The following TJP1 variants were observed in gnomAD, a reference collection of about 807,000 sequenced individuals.
TJP1 encodes tight junction protein ZO-1.
In TJP1, 43 loss-of-function variants were observed where a neutral mutation model predicts 194.2. The ratio of observed to expected loss-of-function variants is 0.22; its 90% CI spans 0.17 to 0.29. The LOEUF is 0.29. Ranked by LOEUF, TJP1 falls within the 10% of genes least tolerant of loss-of-function variation. The pLI is 1.00. For synonymous variants in TJP1, 801 were observed against 779.0 expected (o/e 1.03, Z -0.47); for missense variants, 1,971 against 2,185.7 (o/e 0.90, Z 1.96).
chr15:29,956,250 C>G (rs2055936690), exon 2 of TJP1: 1 of 1,287,004 alleles, frequency 7.8e-7, no homozygotes, highest in African/African-American at 1.5e-5. Flanking sequence ...CACAGAAATC[C>G]ATGCTATCAA....
Position 29,761,118 on chromosome 15 carries a change from T to A in TJP1, c.1010+21A>T, listed in dbSNP as rs752554216. 1.7e-5 allele frequency: 26 copies of A among 1,560,902 alleles called. No homozygotes were observed. The South Asian group carries it at 1.9e-4, about 12-fold the overall frequency. On this transcript the variant is annotated intron_variant, in intron 8 of 27. Coordinates refer to ENST00000614355, the MANE Select transcript of TJP1 (RefSeq NM_001330239.4). ...AAGCAAACAAAACCCCTGTATTTTTTAAAAAAATAGGGTGTCTTACCTGCC... is the reference window on the plus strand; with the variant it reads ...AAGCAAACAAAACCCCTGTATTTTTAAAAAAAATAGGGTGTCTTACCTGCC...
intron 24 of TJP1, 102 bp from the exon 25 acceptor site, chr15:29,709,138 G>T: frequency 9.0e-7 from 1 of 1,109,176 alleles, no homozygotes; most frequent in Non-Finnish European, 1.3e-6. Context: ...GCCCAAATGT[G>T]GGTCGCACAG....
chr15:29,882,010 T>C (rs1260166997), intron 2 of TJP1, among the ~76,000 whole-genome samples: 1 of 152,062 alleles, frequency 6.6e-6, no homozygotes, highest in Admixed American at 6.5e-5. Context: ...TTTCAAAATT[T>C]GAAGTTTTTC....
chr15:29,913,472 C>A (rs1183092011), intron 2 of TJP1, among the ~76,000 whole-genome samples: 1 of 152,176 alleles, frequency 6.6e-6, no homozygotes, highest in Non-Finnish European at 1.5e-5. Flanking sequence ...TACATACACA[C>A]ATCTTTTTCT....
chr15:29,862,741 G>A (rs1334177293), intron 2 of TJP1, among the ~76,000 whole-genome samples: 10 of 150,214 alleles, frequency 6.7e-5, no homozygotes, highest in African/African-American at 2.2e-4. Context: ...TTTGCCTCCC[G>A]GGTTCACGCC....
At chr15:29,727,310 G>C (rs74662275) in intron 16 of TJP1, among the ~76,000 whole-genome samples, 3,129 of 152,096 alleles carry the variant, frequency 0.021, 110 homozygotes, top group African/African-American at 0.072. Context: ...CGCCACTGCA[G>C]TCCCACCTGG....
At chr15:29,761,535 C>A in intron 7 of TJP1, 66 bp downstream of exon 7, 3 of 1,510,630 alleles carry the variant, frequency 2.0e-6, no homozygotes, top group Non-Finnish European at 2.7e-6. Flanking sequence ...CAAAGATGTT[C>A]AATCTCCCTA....
chr15:29,858,412 T>C (rs1030238711), intron 2 of TJP1, among the ~76,000 whole-genome samples: 3 of 152,000 alleles, frequency 2.0e-5, no homozygotes, highest in Non-Finnish European at 4.4e-5. Context: ...AAAATAAAAT[T>C]AAAAAATATG....
intron 15 of TJP1, among the ~76,000 whole-genome samples, chr15:29,731,400 C>T (rs2043649832): frequency 6.6e-6 from 1 of 152,178 alleles, no homozygotes; most frequent in African/African-American, 2.4e-5. Flanking sequence ...GACCTGACCC[C>T]TAGTCATTGG....
intron 2 of TJP1, among the ~76,000 whole-genome samples, chr15:29,860,062 G>A (rs2052016303): frequency 6.6e-6 from 1 of 152,192 alleles, no homozygotes; most frequent in Non-Finnish European, 1.5e-5. Context: ...TTGACTGTCA[G>A]CCTCTCTGCA....
At chr15:29,870,488 C>T (rs986247218) in intron 2 of TJP1, among the ~76,000 whole-genome samples, 9 of 152,106 alleles carry the variant, frequency 5.9e-5, no homozygotes, top group Non-Finnish European at 7.4e-5. Context: ...TTGATGAAAC[C>T]GAAAACTCTT....
chr15:29,785,671 A>G (rs1157083676), intron 2 of TJP1, among the ~76,000 whole-genome samples: 2 of 152,118 alleles, frequency 1.3e-5, no homozygotes, highest in South Asian at 2.1e-4. Context: ...TCCGCTAATT[A>G]TAACTTTCCT....
chr15:29,793,144 G>A (rs1270385392), intron 2 of TJP1, among the ~76,000 whole-genome samples: 4 of 152,062 alleles, frequency 2.6e-5, no homozygotes, highest in African/African-American at 9.7e-5. Context: ...CCAGTACCAC[G>A]TTGAAGAAAG....
intron 2 of TJP1, among the ~76,000 whole-genome samples, chr15:29,868,823 A>G (rs920952030): frequency 1.4e-4 from 22 of 152,206 alleles, no homozygotes; most frequent in Admixed American, 1.4e-3. Context: ...GGCACAGGCA[A>G]AATCTGAAAA....
rs1596040238 is a variant in TJP1, at chr15:29,822,280, A to G, written c.-252T>C. ...CACCTCCCTCCGAGCGCGGCCACCC[A>G]CTCGGCCTCCCGCAGCTTTCGCAGC... On this transcript the variant is annotated 5_prime_UTR_variant, in exon 1 of 28. Coordinates refer to ENST00000614355, the MANE Select transcript of TJP1 (RefSeq NM_001330239.4). The G allele has an allele frequency of 8.7e-7, 1 of 1,145,710 alleles. No homozygotes were observed. The highest frequency in any genetic ancestry group is 4.4e-5 in the South Asian group (1 of 22,722). The allele number at this position is 1,145,710 out of a possible 1,614,324, so 71.0% of individuals were successfully genotyped here. A position where few individuals can be genotyped will look rare whatever the true frequency, so the allele number is the denominator to read the frequency against.
chr15:29,845,009 A>G (rs1291812618), intron 2 of TJP1, among the ~76,000 whole-genome samples: 37 of 152,166 alleles, frequency 2.4e-4, no homozygotes, highest in Admixed American at 2.4e-3. Flanking sequence ...CAACTGCAGA[A>G]CATGTTTGAA....
intron 2 of TJP1, among the ~76,000 whole-genome samples, chr15:29,850,577 C>T (rs1004558933): frequency 4.6e-5 from 7 of 151,966 alleles, no homozygotes; most frequent in Non-Finnish European, 5.9e-5. Context: ...CCTCGTGATC[C>T]GCCCACCTTG....
intron 25 of TJP1, among the ~76,000 whole-genome samples, chr15:29,706,433 G>C (rs545950785): frequency 1.3e-5 from 2 of 152,004 alleles, no homozygotes; most frequent in African/African-American, 2.4e-5. Context: ...TCCAAAATCG[G>C]AAACTTTTTT....
intron 6 of TJP1, 80 bp downstream of exon 6, chr15:29,762,255 A>G: frequency 8.2e-7 from 1 of 1,223,278 alleles, no homozygotes; most frequent in East Asian, 2.4e-5. Context: ...AAACTGCTTC[A>G]AACAAGAGCA....
Sources: allele counts gnomAD v4.1 joint callset (sites outside exome capture counted in the v4.1 genomes callset), GRCh38; gene constraint gnomAD v4.1.1; transcripts MANE v1.5; gene names NCBI Gene and HGNC (gene_info 2026-07-23, HGNC 2026-07-21).